The following WFIKKN1 variants were observed in gnomAD, a reference collection of about 807,000 sequenced individuals.
The protein encoded by WFIKKN1 is WAP, follistatin/kazal, immunoglobulin, kunitz and netrin domain containing 1, also known as WAP, Kazal, immunoglobulin, Kunitz and NTR domain-containing protein 1.
Under a neutral mutation model 4.6 loss-of-function variants are expected in WFIKKN1, and 6 were observed. The observed-to-expected ratio is 1.31, with a 90% CI of 0.72 to 2.59. The LOEUF is 2.59. Ranked by LOEUF, WFIKKN1 falls within the 30% of genes most tolerant of loss-of-function variation. WFIKKN1 has a pLI of 0.00. For synonymous variants in WFIKKN1, 468 were observed against 367.4 expected, an observed-to-expected ratio of 1.27 and a Z score of -3.13; for missense variants, 964 against 818.0, an observed-to-expected ratio of 1.18 and a Z score of -2.18.
Position 631,080 on chromosome 16 carries a change from C to A in WFIKKN1, c.-174C>A. ...CCCGTTACCCACCCAGCAGGGGTGTCAGGACAAGCATCTGCTGCAGGCTTC... is the reference window on the plus strand; with the variant it reads ...CCCGTTACCCACCCAGCAGGGGTGTAAGGACAAGCATCTGCTGCAGGCTTC... On this transcript the variant is annotated 5_prime_UTR_variant, in exon 1 of 2. Coordinates refer to ENST00000319070, the MANE Select transcript of WFIKKN1 (RefSeq NM_053284.3). The A allele has an allele frequency of 1.4e-6, 1 of 713,594 alleles. No individual in the cohort carries two copies. The highest frequency in any genetic ancestry group is 2.2e-6 in the Non-Finnish European group (1 of 448,922). 44.2% of individuals were successfully genotyped at this position (713,594 alleles called of 1,614,324 possible).
rs200981073 is a variant in WFIKKN1 at position 633,677 on chromosome 16, C to T, written c.1267C>T (p.Arg423Trp). The change falls in exon 2 of 2, where the codon CGG becomes TGG. Residue 423 changes from arginine to tryptophan, a missense_variant. Transcript: ENST00000319070. The part of the protein sequence containing the change: ...RTPPCRACRL[R>W]SKLALSLCRS... ...ACCGCCCTGCCGCGCCTGCCGCCTC[C>T]GGAGCAAGCTGGCGCTGAGCCTGTG... The T allele has an allele frequency of 1.4e-4, 216 of 1,580,098 alleles. No individual in the cohort carries two copies. The highest frequency in any genetic ancestry group is 1.1e-3 in the East Asian group (47 of 42,802).
chr16:631,467 G>C (rs2036948096), intron 1 of WFIKKN1, 43 bp downstream of exon 1: 1 of 1,589,376 alleles, frequency 6.3e-7, no homozygotes, highest in Admixed American at 1.7e-5. Context: ...AGAGCAGCCA[G>C]CCTGGGCAAG....
At position 633,615 on chromosome 16, in the gene WFIKKN1, G is replaced by T. The variant is rs1243812328; in HGVS notation, c.1205G>T (p.Arg402Leu). The T allele has an allele frequency of 3.2e-6, 5 of 1,570,522 alleles. No homozygotes were observed. Among genetic ancestry groups the T allele is most frequent in the African/African-American group, 2.8e-5 (2 of 72,618 alleles). The change falls in exon 2 of 2, where the codon CGC becomes CTC. Residue 402 changes from arginine to leucine, a missense_variant. Transcript: ENST00000319070. ...CEGNGNNFHS[R>L]ESCEDACPVP... ...GGCAACGGCAACAACTTCCACAGCC[G>T]CGAGAGCTGCGAGGATGCCTGCCCC...
intron 1 of WFIKKN1, chr16:631,704 C>T (rs2036951147): frequency 3.7e-6 from 1 of 271,958 alleles, no homozygotes; most frequent in Admixed American, 5.6e-5. Context: ...CCCACCCTCT[C>T]CTCCCACCCT....
chr16:633,620 A>G lies in WFIKKN1; in HGVS notation c.1210A>G (p.Ser404Gly), dbSNP rs2036984470. Residue 404 changes from serine to glycine, a missense_variant, in exon 2 of 2, where the codon AGC becomes GGC. Physicochemically the swap from Ser to Gly is moderately conservative, Grantham distance 56 (BLOSUM62 0). Coordinates refer to ENST00000319070, the MANE Select transcript of WFIKKN1 (RefSeq NM_053284.3). ...GNGNNFHSRESCEDACPVPRT... is the reference protein window; with the variant it reads ...GNGNNFHSREGCEDACPVPRT... The stretch of plus-strand genomic sequence containing the variant: ...CGGCAACAACTTCCACAGCCGCGAG[A>G]GCTGCGAGGATGCCTGCCCCGTGCC... The G allele has an allele frequency of 3.8e-6, 6 of 1,572,816 alleles. No individual in the cohort carries two copies. Among genetic ancestry groups the G allele is most frequent in the Non-Finnish European group, 5.2e-6 (6 of 1,164,458 alleles).
At position 633,110 on chromosome 16, in the gene WFIKKN1, G is replaced by A. The variant is rs2036974178; in HGVS notation, c.700G>A (p.Asp234Asn). Residue 234 changes from aspartate (D) to asparagine (N), a missense_variant, in exon 2 of 2, where the codon GAT becomes AAT. Physicochemically the swap from Asp to Asn is conservative, Grantham distance 23. Transcript: ENST00000319070. The part of the protein sequence containing the change: ...HQRENLIMRP[D>N]QMYGNVVVTS... ...GCGAGAGAACCTGATCATGCGCCCT[G>A]ATCAGATGTATGGCAACGTGGTGGT... 4.3e-6 allele frequency: 7 copies of A among 1,611,046 alleles called. No individual in the cohort carries two copies. In the East Asian group the frequency reaches 1.6e-4, roughly 36 times the overall value.
At position 631,280 on chromosome 16, in the gene WFIKKN1, G is replaced by T. The variant is rs4984905; in HGVS notation, c.27G>T (p.Pro9=). 387,248 of 1,584,040 alleles carry T rather than the reference G, an allele frequency of 0.24. 54,105 individuals are homozygous for T. Among genetic ancestry groups the T allele is most frequent in the East Asian group, 0.64 (27,898 of 43,754 alleles). The part of the protein sequence containing the change: MPALRPLL[P]LLLLLRLTSG... Reference sequence around the variant, plus strand: ...TGCCCGCCCTACGTCCACTCCTGCCGCTCCTGCTCCTCCTCCGGCTGACCT... The same window carrying T: ...TGCCCGCCCTACGTCCACTCCTGCCTCTCCTGCTCCTCCTCCGGCTGACCT... Residue 9 remains proline, a synonymous_variant, in exon 1 of 2, where the codon CCG becomes CCT. Transcript: ENST00000319070.
In WFIKKN1 at chr16:633,195, C is replaced by A. The variant is rs745839828; in HGVS notation, c.785C>A (p.Thr262Asn). 4 of 1,595,134 alleles carry A rather than the reference C, an allele frequency of 2.5e-6. No homozygotes were observed. Among genetic ancestry groups the A allele is most frequent in the East Asian group, 4.5e-5 (2 of 44,180 alleles). Residue 262 changes from threonine to asparagine, a missense_variant, in exon 2 of 2, where the codon ACC becomes AAC. Transcript: ENST00000319070. ...NARPEDAGLY[T>N]CTARNAAGLL... is the part of the protein sequence containing the mutation. ...CGGCCCGAAGACGCCGGCCTGTACA[C>A]CTGCACCGCGCGCAACGCTGCTGGG... is the stretch of plus-strand genomic sequence containing the variant.
In WFIKKN1 at chr16:631,158, G is replaced by C. The variant is rs1178413043; in HGVS notation, c.-96G>C. 1 of 1,399,340 alleles carries C rather than the reference G, an allele frequency of 7.1e-7. No individual in the cohort carries two copies. Among genetic ancestry groups the C allele is most frequent in the African/African-American group, 1.5e-5 (1 of 67,360 alleles). The allele number at this position is 1,399,340 out of a possible 1,614,324, so 86.7% of individuals were successfully genotyped here. A position where few individuals can be genotyped will look rare whatever the true frequency, so the allele number is the denominator to read the frequency against. ...GGTCCTGGTGGGGGCACCGACCACA[G>C]GCCCGGAGGGTGGATGCCTGCAGGA... On this transcript the variant is annotated 5_prime_UTR_variant, in exon 1 of 2. Coordinates refer to ENST00000319070, the MANE Select transcript of WFIKKN1 (RefSeq NM_053284.3).
At position 633,761 on chromosome 16, in the gene WFIKKN1, G is replaced by C. The variant is rs531316698; in HGVS notation, c.1351G>C (p.Ala451Pro). The C allele has an allele frequency of 1.9e-6, 3 of 1,595,886 alleles. No homozygotes were observed. Among genetic ancestry groups the C allele is most frequent in the Non-Finnish European group, 2.6e-6 (3 of 1,172,022 alleles). Residue 451 changes from alanine (A) to proline (P), a missense_variant, in exon 2 of 2, where the codon GCC (alanine) becomes CCC (proline). Transcript: ENST00000319070. ...GGAGGTGCTGGAGGAGCCCGAGGCC[G>C]CCGGCGGCATCGCCCGCGTGGCGCT... is the stretch of plus-strand genomic sequence containing the variant. ...LTEVLEEPEA[A>P]GGIARVALED...
In WFIKKN1 at chr16:633,733, C is replaced by T. The variant is rs757849816; in HGVS notation, c.1323C>T (p.Leu441=). The change falls in exon 2 of 2, where the codon CTC becomes CTT. Residue 441 remains leucine, a synonymous_variant. Coordinates refer to ENST00000319070, the MANE Select transcript of WFIKKN1 (RefSeq NM_053284.3). ...CRSDFAIVGR[L]TEVLEEPEAA... Reference sequence around the variant, plus strand: ...GCGACTTCGCCATCGTGGGGCGGCTCACGGAGGTGCTGGAGGAGCCCGAGG... The same window carrying T: ...GCGACTTCGCCATCGTGGGGCGGCTTACGGAGGTGCTGGAGGAGCCCGAGG... 6.3e-7 allele frequency: 1 copy of T among 1,589,446 alleles called. No homozygotes were observed.
Position 633,169 on chromosome 16 carries a change from G to C in WFIKKN1, c.759G>C (p.Ala253=). 6.3e-7 allele frequency: 1 copy of C among 1,598,534 alleles called. No homozygotes were observed. The highest frequency in any genetic ancestry group is 8.5e-7 in the Non-Finnish European group (1 of 1,170,642). The change falls in exon 2 of 2, where the codon GCG becomes GCC. Residue 253 remains alanine, a synonymous_variant. Transcript: ENST00000319070. ...TSIGQLVLYN[A]RPEDAGLYTC... ...TCGGGCAGCTGGTGCTCTACAACGC[G>C]CGGCCCGAAGACGCCGGCCTGTACA...
rs929161621 is a variant in WFIKKN1, at chr16:633,729, G to A, written c.1319G>A (p.Arg440Gln). The A allele has an allele frequency of 3.8e-6, 6 of 1,587,848 alleles. No homozygotes were observed. Among genetic ancestry groups the A allele is most frequent in the African/African-American group, 1.3e-5 (1 of 74,310 alleles). Residue 440 changes from arginine (R) to glutamine (Q), a missense_variant, in exon 2 of 2, where the codon CGG (arginine) becomes CAG (glutamine). Arg to Gln is a conservative substitution (Grantham distance 43). Transcript: ENST00000319070. Reference protein sequence around the residue: ...LCRSDFAIVGRLTEVLEEPEA... With the variant: ...LCRSDFAIVGQLTEVLEEPEA... ...CGCAGCGACTTCGCCATCGTGGGGC[G>A]GCTCACGGAGGTGCTGGAGGAGCCC...
Position 633,762 on chromosome 16 carries a change from C to T in WFIKKN1, c.1352C>T (p.Ala451Val). ...LTEVLEEPEA[A>V]GGIARVALED... is the part of the protein sequence containing the mutation. The stretch of plus-strand genomic sequence containing the variant: ...GAGGTGCTGGAGGAGCCCGAGGCCG[C>T]CGGCGGCATCGCCCGCGTGGCGCTC... Residue 451 changes from alanine to valine, a missense_variant, in exon 2 of 2, where the codon GCC becomes GTC. Transcript: ENST00000319070. 1 of 1,596,240 alleles carries T rather than the reference C, an allele frequency of 6.3e-7. No homozygotes were observed. The highest frequency in any genetic ancestry group is 8.5e-7 in the Non-Finnish European group (1 of 1,172,210).
chr16:634,038 T>C lies in WFIKKN1; in HGVS notation c.1628T>C (p.Leu543Pro). Residue 543 changes from leucine to proline, a missense_variant, in exon 2 of 2, where the codon CTC (leucine) becomes CCC (proline). By Grantham distance (98) the Leu-to-Pro change is moderately conservative. Coordinates refer to ENST00000319070, the MANE Select transcript of WFIKKN1 (RefSeq NM_053284.3). ...CTGGAGAAGCAGGCCTGCGAGCTGC[T>C]CAACCGCTTCCAGGACTAGCCCCCG... ...ELLEKQACEL[L>P]NRFQD is the part of the protein sequence containing the mutation. The C allele has an allele frequency of 6.3e-7, 1 of 1,587,096 alleles. No homozygotes were observed. Among genetic ancestry groups the C allele is most frequent in the Non-Finnish European group, 8.6e-7 (1 of 1,169,534 alleles).
intron 1 of WFIKKN1, 171 bp from the exon 2 acceptor site, chr16:632,404 GGCACCTC>G: frequency 1.5e-6 from 1 of 648,030 alleles, no homozygotes; most frequent in South Asian, 3.6e-5. Flanking sequence ...TAAGCCAGGT[GGCACCTC>G]TGGCGAGGTG....
Position 633,013 on chromosome 16 carries a change from T to A in WFIKKN1, c.603T>A (p.Gly201=), listed in dbSNP as rs897979551. The change falls in exon 2 of 2, where the codon GGT becomes GGA. Residue 201 remains glycine (G), a synonymous_variant. Transcript: ENST00000319070. The part of the protein sequence containing the change: ...SPSPQAVQVG[G]TASLHCDVSG... ...CCCCACAGGCGGTGCAGGTTGGGGG[T>A]ACGGCCAGCCTCCACTGCGACGTCA... 6.2e-7 allele frequency: 1 copy of A among 1,605,434 alleles called. No homozygotes were observed. Among genetic ancestry groups the A allele is most frequent in the Non-Finnish European group, 8.5e-7 (1 of 1,175,964 alleles).
chr16:631,544 C>T (rs2036948651), intron 1 of WFIKKN1, 120 bp downstream of exon 1: 1 of 1,285,804 alleles, frequency 7.8e-7, no homozygotes, highest in Non-Finnish European at 1.0e-6. Context: ...GTCTGGGCCC[C>T]TTAAGGGGCC....
chr16:633,399 C>CG lies in WFIKKN1; in HGVS notation c.991dup (p.Ala331GlyfsTer5), dbSNP rs746006660. On this transcript the variant is annotated frameshift_variant, in exon 2 of 2. Transcript: ENST00000319070. LOFTEE classifies it low-confidence loss of function (END_TRUNC). ...CAGCGGGGCGGCTGCATGACCTTCC[C>CG]GGCCCGTGGCTGTGATGGGGCGGCC... 1 of 1,558,526 alleles carries CG rather than the reference C, an allele frequency of 6.4e-7. No homozygotes were observed. Among genetic ancestry groups the CG allele is most frequent in the East Asian group, 2.4e-5 (1 of 42,550 alleles).
Sources: allele counts gnomAD v4.1 joint callset, GRCh38; gene constraint gnomAD v4.1.1; transcripts MANE v1.5; gene names NCBI Gene and HGNC (gene_info 2026-07-23, HGNC 2026-07-21).